ABCC3: variants seen among roughly 807,000 people sequenced by gnomAD.
The protein encoded by ABCC3 is ATP binding cassette subfamily C member 3, also known as ATP-binding cassette sub-family C member 3.
Under a neutral mutation model 165.3 loss-of-function variants are expected in ABCC3, and 121 were observed. The ratio of observed to expected loss-of-function variants is 0.73; its 90% CI spans 0.63 to 0.85. The LOEUF (loss-of-function observed/expected upper bound fraction) is 0.85, where lower values mean the gene tolerates loss of function less well. ABCC3 is among the 40% of genes least tolerant of loss of function. The pLI is 0.00. For missense variants in ABCC3, 1,869 were observed against 1,964.1 expected, an observed-to-expected ratio of 0.95 and a Z score of 0.92; for synonymous variants, 733 against 810.1, an observed-to-expected ratio of 0.90 and a Z score of 1.62.
chr17:50,686,157 GCAC>G (rs1968017631), intron 29 of ABCC3, among the ~76,000 whole-genome samples: 1 of 152,074 alleles, frequency 6.6e-6, no homozygotes, highest in African/African-American at 2.4e-5. Flanking sequence ...TCTCACCACT[GCAC>G]TCTAGCCTGG....
intron 1 of ABCC3, among the ~76,000 whole-genome samples, chr17:50,640,352 G>A (rs925409795): frequency 6.6e-6 from 1 of 152,206 alleles, no homozygotes; most frequent in African/African-American, 2.4e-5. Context: ...CCCAGCATCA[G>A]CCCTGGGTGT....
At chr17:50,656,432 G>T (rs1440038311) in intron 2 of ABCC3, among the ~76,000 whole-genome samples, 1 of 152,234 alleles carries the variant, frequency 6.6e-6, no homozygotes, top group Non-Finnish European at 1.5e-5. Flanking sequence ...GGGTTCCCCA[G>T]TCTCACCTGA....
chr17:50,655,118 A>C (rs1358598388), intron 1 of ABCC3, among the ~76,000 whole-genome samples: 2 of 51,698 alleles, frequency 3.9e-5, no homozygotes, highest in Admixed American at 2.2e-4. Context: ...AAAAAAAAAA[A>C]AGAGTGAGGG....
At chr17:50,669,868 A>G (rs1464856423) in intron 17 of ABCC3, among the ~76,000 whole-genome samples, 2 of 151,876 alleles carry the variant, frequency 1.3e-5, no homozygotes, top group African/African-American at 4.8e-5. Context: ...ACATCATGGG[A>G]CGCTGCAGCT....
At position 50,663,736 on chromosome 17, in the gene ABCC3, G is replaced by T; in HGVS notation, c.1054G>T (p.Val352Leu). 1 of 1,614,194 alleles carries T rather than the reference G, an allele frequency of 6.2e-7. No individual in the cohort carries two copies. The highest frequency in any genetic ancestry group is 8.5e-7 in the Non-Finnish European group (1 of 1,180,044). Residue 352 changes from valine (V) to leucine (L), a missense_variant, in exon 9 of 31, where the codon GTG (valine) becomes TTG (leucine). By Grantham distance (32) the Val-to-Leu change is conservative (BLOSUM62 1). Coordinates refer to ENST00000285238, the MANE Select transcript of ABCC3 (RefSeq NM_003786.4). ...GGCCCCCTCCTGGTGGGGCTTCCTG[G>T]TGGCTGGGCTGATGTTCCTGTGCTC... ...PMAPSWWGFL[V>L]AGLMFLCSMM...
chr17:50,657,371 G>A (rs984021651), intron 4 of ABCC3, among the ~76,000 whole-genome samples, 188 bp downstream of exon 4: 2 of 152,228 alleles, frequency 1.3e-5, no homozygotes, highest in Non-Finnish European at 2.9e-5. Flanking sequence ...GTGTAACACA[G>A]GAATGAGCCA....
chr17:50,653,283 T>C (rs4793667), intron 1 of ABCC3, among the ~76,000 whole-genome samples: 68,076 of 147,384 alleles, frequency 0.46, 16,305 homozygotes, highest in Non-Finnish European at 0.53. Flanking sequence ...GAGGTGGTGG[T>C]TGCAGTGAAC....
intron 13 of ABCC3, 107 bp downstream of exon 13, chr17:50,668,116 G>C: frequency 9.9e-7 from 1 of 1,007,322 alleles, no homozygotes; most frequent in Non-Finnish European, 1.5e-6. Flanking sequence ...ATTGGATTCA[G>C]GGAAGGTTGC....
Position 50,675,397 on chromosome 17 carries a change from A to T in ABCC3, c.2635A>T (p.Ile879Phe), listed in dbSNP as rs190850373. 8 of 1,614,012 alleles carry T rather than the reference A, an allele frequency of 5.0e-6. No homozygotes were observed. In the Admixed American group the frequency reaches 8.3e-5, roughly 17 times the overall value. The stretch of plus-strand genomic sequence containing the variant: ...TGCAGAGGATAAGGAGGCACTGCTG[A>T]TTGAAGACACACTCAGCAACCACAC... ...EGAEDKEALL[I>F]EDTLSNHTDL... is the part of the protein sequence containing the mutation. The change falls in exon 20 of 31, where the codon ATT becomes TTT. Residue 879 changes from isoleucine (I) to phenylalanine (F), a missense_variant. Transcript: ENST00000285238.
At chr17:50,644,002 G>T (rs954502902) in intron 1 of ABCC3, among the ~76,000 whole-genome samples, 4 of 152,164 alleles carry the variant, frequency 2.6e-5, no homozygotes, top group Non-Finnish European at 2.9e-5. Flanking sequence ...GCAGAGGGCT[G>T]CCCCAGATGG....
At chr17:50,641,416 G>C (rs996489047) in intron 1 of ABCC3, among the ~76,000 whole-genome samples, 1 of 152,106 alleles carries the variant, frequency 6.6e-6, no homozygotes, top group Non-Finnish European at 1.5e-5. Flanking sequence ...AGTGTTACAG[G>C]GTCCAGGGAA....
chr17:50,686,664 A>G (rs938143970), intron 29 of ABCC3, among the ~76,000 whole-genome samples: 6 of 152,010 alleles, frequency 3.9e-5, no homozygotes, highest in African/African-American at 1.5e-4. Flanking sequence ...CCGTGATCAG[A>G]GACAGAAATC....
In ABCC3 at chr17:50,676,531, C is replaced by T; in HGVS notation, c.3321C>T (p.Ser1107=). 6.2e-7 allele frequency: 1 copy of T among 1,614,136 alleles called. No individual in the cohort carries two copies. Residue 1107 remains serine, a synonymous_variant, in exon 23 of 31, where the codon AGC becomes AGT. Transcript: ENST00000285238. ...CCACTCTTGTGGTCATCATGGCCAG[C>T]ACGCCGCTCTTCACTGTGGTCATCC... ...AISTLVVIMA[S]TPLFTVVILP...
rs1445913144 is a variant in ABCC3 at position 50,674,815 on chromosome 17, TTG to T, written c.2600-546_2600-545del. ...TCATGCAGATTTTTTTTTTTTTTTT[TTG>T]GGGACAGTTTCTCACTCTGTTGCCC... On this transcript the variant is annotated intron_variant, in intron 19 of 30. Coordinates refer to ENST00000285238, the MANE Select transcript of ABCC3 (RefSeq NM_003786.4). 4.3e-4 allele frequency among the ~76,000 whole-genome samples: 65 copies of T among 150,032 alleles called. 2 individuals carry two copies. Among genetic ancestry groups the T allele is most frequent in the Admixed American group, 8.0e-4 (12 of 15,070 alleles).
At chr17:50,675,609 G>C (rs1324497973) in intron 20 of ABCC3, 22 bp from the exon 21 acceptor site, 5 of 1,561,642 alleles carry the variant, frequency 3.2e-6, no homozygotes, top group Non-Finnish European at 4.3e-6. Flanking sequence ...CCCTCCCTGG[G>C]CCTGACCAGC....
At chr17:50,644,834 C>A (rs1436567298) in intron 1 of ABCC3, among the ~76,000 whole-genome samples, 2 of 152,122 alleles carry the variant, frequency 1.3e-5, no homozygotes, top group East Asian at 3.9e-4. Flanking sequence ...CTCGCTAACA[C>A]GGTAAAACCC....
intron 29 of ABCC3, among the ~76,000 whole-genome samples, chr17:50,686,118 C>T (rs1377013582): frequency 1.3e-5 from 2 of 152,110 alleles, no homozygotes; most frequent in African/African-American, 4.8e-5. Flanking sequence ...CGCTTGAACC[C>T]TGGAGGCGGA....
Position 50,664,005 on chromosome 17 carries a change from A to G in ABCC3, c.1232A>G (p.Asn411Ser), listed in dbSNP as rs768530696. 21 of 1,613,888 alleles carry G rather than the reference A, an allele frequency of 1.3e-5. No individual in the cohort carries two copies. Among genetic ancestry groups the G allele is most frequent in the Non-Finnish European group, 1.8e-5 (21 of 1,179,956 alleles). The change falls in exon 10 of 31, where the codon AAC becomes AGC. Residue 411 changes from asparagine to serine, a missense_variant. Coordinates refer to ENST00000285238, the MANE Select transcript of ABCC3 (RefSeq NM_003786.4). The stretch of plus-strand genomic sequence containing the variant: ...GCGTCCACTGTGGGGGAAATTGTCA[A>G]CCTCATGTCAGTGGATGCCCAGCGC... Reference protein sequence around the residue: ...KRASTVGEIVNLMSVDAQRFM... With the variant: ...KRASTVGEIVSLMSVDAQRFM...
intron 1 of ABCC3, among the ~76,000 whole-genome samples, chr17:50,647,757 G>T (rs1202505224): frequency 1.3e-5 from 2 of 152,258 alleles, no homozygotes; most frequent in Admixed American, 6.5e-5. Flanking sequence ...GCCCTTGGAG[G>T]CTGGGCATGG....
Sources: allele counts gnomAD v4.1 joint callset (sites outside exome capture counted in the v4.1 genomes callset), GRCh38; gene constraint gnomAD v4.1.1; transcripts MANE v1.5; gene names NCBI Gene and HGNC (gene_info 2026-07-23, HGNC 2026-07-21).